Variants in GALNTL6 observed in about 807,000 individuals in gnomAD.
GALNTL6 encodes polypeptide N-acetylgalactosaminyltransferase-like 6.
GALNTL6 carries 46 observed loss-of-function variants against 73.7 expected under a neutral mutation model. The observed-to-expected ratio is 0.62, with a 90% CI of 0.49 to 0.80. GALNTL6 has a LOEUF of 0.80. GALNTL6 is among the 30% of genes least tolerant of loss of function. The pLI, the probability that GALNTL6 is intolerant of heterozygous loss-of-function variation, is 0.00. For missense variants in GALNTL6, 604 were observed against 755.0 expected (o/e 0.80, Z 2.34); for synonymous variants, 259 against 263.7 (o/e 0.98, Z 0.17).
chr4:172,604,156 G>T (rs1347361331), intron 5 of GALNTL6, among the ~76,000 whole-genome samples: 1 of 152,104 alleles, frequency 6.6e-6, no homozygotes, highest in East Asian at 1.9e-4. Flanking sequence ...GTGATGAAAA[G>T]TGTGTAAACT....
At chr4:171,899,885 G>A (rs1376942054) in intron 2 of GALNTL6, among the ~76,000 whole-genome samples, 5 of 152,186 alleles carry the variant, frequency 3.3e-5, no homozygotes, top group Middle Eastern at 6.8e-3. Flanking sequence ...TATCATACTT[G>A]ATTACAAAAG....
At chr4:172,349,834 T>A (rs1024451278) in intron 5 of GALNTL6, among the ~76,000 whole-genome samples, 1 of 78,788 alleles carries the variant, frequency 1.3e-5, no homozygotes, top group African/African-American at 3.4e-5. Flanking sequence ...AAAAAAAATA[T>A]ATATATATAT....
At chr4:171,911,161 T>G (rs1175852860) in intron 2 of GALNTL6, among the ~76,000 whole-genome samples, 1 of 152,012 alleles carries the variant, frequency 6.6e-6, no homozygotes, top group African/African-American at 2.4e-5. Flanking sequence ...TTTTAAAAAT[T>G]TATTTTCTTT....
chr4:172,630,567 A>T (rs189163284), intron 5 of GALNTL6, among the ~76,000 whole-genome samples: 98 of 152,094 alleles, frequency 6.4e-4, no homozygotes, highest in African/African-American at 2.3e-3. Flanking sequence ...TGAAATAGCC[A>T]TTATCTCCAT....
At chr4:172,173,084 T>A (rs1258758319) in intron 2 of GALNTL6, among the ~76,000 whole-genome samples, 1 of 152,180 alleles carries the variant, frequency 6.6e-6, no homozygotes, top group Non-Finnish European at 1.5e-5. Flanking sequence ...GGCCATTTGA[T>A]GTCATTTGTT....
intron 5 of GALNTL6, among the ~76,000 whole-genome samples, chr4:172,710,542 C>T (rs528581653): frequency 6.6e-6 from 1 of 152,094 alleles, no homozygotes; most frequent in African/African-American, 2.4e-5. Flanking sequence ...GTTATGGAAA[C>T]CTCAAGCTAT....
At chr4:172,788,524 T>G (rs1739797127) in intron 5 of GALNTL6, among the ~76,000 whole-genome samples, 1 of 151,512 alleles carries the variant, frequency 6.6e-6, no homozygotes, top group South Asian at 2.1e-4. Flanking sequence ...TACAAAAAAT[T>G]AGCCGGGCGT....
intron 10 of GALNTL6, among the ~76,000 whole-genome samples, chr4:172,977,468 T>A (rs1242398573): frequency 2.0e-5 from 3 of 152,260 alleles, no homozygotes; most frequent in Non-Finnish European, 4.4e-5. Context: ...AGGTGGTTGT[T>A]GGCTGTTGTG....
intron 5 of GALNTL6, among the ~76,000 whole-genome samples, chr4:172,556,861 C>T (rs1055736087): frequency 3.9e-5 from 6 of 151,930 alleles, no homozygotes; most frequent in Admixed American, 1.3e-4. Flanking sequence ...TGGGAACACA[C>T]AGAACTATGT....
At position 172,495,838 on chromosome 4, in the gene GALNTL6, T is replaced by C. The variant is rs76767421; in HGVS notation, c.553+147149T>C. 5.6e-3 allele frequency among the ~76,000 whole-genome samples: 858 copies of C among 152,292 alleles called. 10 individuals carry two copies. Among genetic ancestry groups the C allele is most frequent in the African/African-American group, 0.019 (787 of 41,556 alleles). ...CATTTTGAGTAGCAAGACTAGAGTT[T>C]CAAATCTAAGGGAAAAAAATTAAAG... On this transcript the variant is annotated intron_variant, in intron 5 of 12. Transcript: ENST00000506823.
chr4:172,304,742 G>A (rs2111129773), intron 3 of GALNTL6, among the ~76,000 whole-genome samples: 1 of 152,094 alleles, frequency 6.6e-6, no homozygotes, highest in African/African-American at 2.4e-5. Flanking sequence ...TCTCTATTTA[G>A]ATAGACTTAT....
intron 5 of GALNTL6, among the ~76,000 whole-genome samples, chr4:172,632,647 A>T (rs1739448292): frequency 6.6e-6 from 1 of 152,244 alleles, no homozygotes; most frequent in Non-Finnish European, 1.5e-5. Flanking sequence ...GTAGAAATTC[A>T]AGCCAGCTGC....
intron 2 of GALNTL6, among the ~76,000 whole-genome samples, chr4:172,153,652 C>T (rs898941087): frequency 5.3e-5 from 8 of 152,174 alleles, no homozygotes; most frequent in East Asian, 1.9e-4. Context: ...TGGTTTGTCA[C>T]GGTGCTTTGA....
intron 5 of GALNTL6, among the ~76,000 whole-genome samples, chr4:172,548,313 T>A (rs1735845539): frequency 6.6e-6 from 1 of 152,158 alleles, no homozygotes; most frequent in Non-Finnish European, 1.5e-5. Flanking sequence ...CCACTCCAGG[T>A]GATATGTGGC....
chr4:172,178,488 C>T (rs1392911793), intron 2 of GALNTL6, among the ~76,000 whole-genome samples: 1 of 151,950 alleles, frequency 6.6e-6, no homozygotes, highest in African/African-American at 2.4e-5. Flanking sequence ...TCTCATTGTT[C>T]AACTCCTACT....
At chr4:172,557,507 A>C (rs2110916552) in intron 5 of GALNTL6, among the ~76,000 whole-genome samples, 1 of 152,314 alleles carries the variant, frequency 6.6e-6, no homozygotes, top group African/African-American at 2.4e-5. Flanking sequence ...CAGCTGAAAA[A>C]TTTATCCTGA....
At chr4:172,922,299 G>A (rs17319595) in intron 8 of GALNTL6, among the ~76,000 whole-genome samples, 13,348 of 152,004 alleles carry the variant, frequency 0.088, 800 homozygotes, top group Non-Finnish European at 0.13. Context: ...AATACATATG[G>A]CATGCCACTT....
chr4:172,911,164 T>C (rs1308973800), intron 8 of GALNTL6, among the ~76,000 whole-genome samples: 2 of 152,244 alleles, frequency 1.3e-5, no homozygotes, highest in African/African-American at 2.4e-5. Context: ...ACTCCTAAAG[T>C]AGTTCATTTG....
intron 5 of GALNTL6, among the ~76,000 whole-genome samples, chr4:172,798,057 G>T (rs76449670): frequency 0.044 from 6,687 of 152,168 alleles, 449 homozygotes; most frequent in African/African-American, 0.15. Context: ...GGGTTTTACT[G>T]GGGGCCTGTG....
Sources: allele counts gnomAD v4.1 joint callset (sites outside exome capture counted in the v4.1 genomes callset), GRCh38; gene constraint gnomAD v4.1.1; transcripts MANE v1.5; gene names NCBI Gene and HGNC (gene_info 2026-07-23, HGNC 2026-07-21).